Variants in SLIT3 observed in about 807,000 individuals in gnomAD.
SLIT3 encodes slit guidance ligand 3, also known as slit homolog 3 protein.
SLIT3 carries 68 observed loss-of-function variants against 184.0 expected under a neutral mutation model. The ratio of observed to expected loss-of-function variants is 0.37; its 90% CI spans 0.30 to 0.45. SLIT3 has a LOEUF of 0.45. Ranked by LOEUF, SLIT3 falls within the 20% of genes least tolerant of loss-of-function variation. The pLI is 1.00. For missense variants in SLIT3, 1,707 were observed against 2,026.0 expected, an observed-to-expected ratio of 0.84 and a Z score of 3.02; for synonymous variants, 831 against 828.6, an observed-to-expected ratio of 1.00 and a Z score of -0.05.
chr5:168,873,391 A>G (rs921603242), intron 5 of SLIT3, among the ~76,000 whole-genome samples: 6 of 151,498 alleles, frequency 4.0e-5, no homozygotes, highest in African/African-American at 1.5e-4. Context: ...GCATTTTGGG[A>G]GGCTTAGGCA....
At chr5:168,847,016 C>G (rs1758496483) in intron 5 of SLIT3, among the ~76,000 whole-genome samples, 1 of 152,196 alleles carries the variant, frequency 6.6e-6, no homozygotes, top group African/African-American at 2.4e-5. Flanking sequence ...TATCCCATCA[C>G]AGTCCTGCTA....
At chr5:168,738,407 G>T (rs1433237551) in intron 20 of SLIT3, among the ~76,000 whole-genome samples, 1 of 152,254 alleles carries the variant, frequency 6.6e-6, no homozygotes, top group South Asian at 2.1e-4. Flanking sequence ...CAACTCTTGA[G>T]CACACATTCC....
intron 7 of SLIT3, among the ~76,000 whole-genome samples, chr5:168,820,486 C>T (rs1243323599): frequency 6.6e-6 from 1 of 152,168 alleles, no homozygotes; most frequent in Non-Finnish European, 1.5e-5. Flanking sequence ...TGAAATGATT[C>T]ATGGGAAGTG....
chr5:168,882,179 T>A (rs1759978276), intron 5 of SLIT3, among the ~76,000 whole-genome samples: 1 of 152,180 alleles, frequency 6.6e-6, no homozygotes, highest in Non-Finnish European at 1.5e-5. Context: ...GTCTTTTTTT[T>A]AAGCCTCCCT....
intron 3 of SLIT3, among the ~76,000 whole-genome samples, chr5:169,229,864 C>T (rs963432369): frequency 4.6e-5 from 7 of 152,050 alleles, no homozygotes; most frequent in African/African-American, 1.7e-4. Flanking sequence ...AGGCACCCAG[C>T]AAAAATTAAG....
chr5:169,184,319 G>A (rs1460961677), intron 4 of SLIT3, among the ~76,000 whole-genome samples: 1 of 152,238 alleles, frequency 6.6e-6, no homozygotes, highest in African/African-American at 2.4e-5. Flanking sequence ...ACTCACAGGA[G>A]TAAGAGGGTG....
chr5:168,682,011 T>C (rs1393718676), intron 32 of SLIT3, among the ~76,000 whole-genome samples: 1 of 152,228 alleles, frequency 6.6e-6, no homozygotes, highest in Non-Finnish European at 1.5e-5. Context: ...TCTGGATTTA[T>C]GTGATAGCAA....
In SLIT3 at chr5:169,019,527, G is replaced by A. The variant is rs368256205; in HGVS notation, c.414-136191C>T. On this transcript the variant is annotated intron_variant, in intron 4 of 35. Transcript: ENST00000519560. The stretch of plus-strand genomic sequence containing the variant: ...TAGGTCAGCGGCTTTGCATATGCAC[G>A]GTATCTTATTTCTCACATATTCCAT... 4.5e-4 allele frequency among the ~76,000 whole-genome samples: 69 copies of A among 152,246 alleles called. 1 individual carries two copies. In the South Asian group the frequency reaches 0.012, roughly 27 times the overall value.
At chr5:169,103,738 C>T (rs1430133398) in intron 4 of SLIT3, among the ~76,000 whole-genome samples, 3 of 152,106 alleles carry the variant, frequency 2.0e-5, no homozygotes, top group Admixed American at 6.5e-5. Context: ...CCCCCTCCCA[C>T]CCATCCCCAT....
intron 16 of SLIT3, among the ~76,000 whole-genome samples, chr5:168,755,173 C>T (rs1488969145): frequency 6.6e-6 from 1 of 152,086 alleles, no homozygotes; most frequent in Non-Finnish European, 1.5e-5. Flanking sequence ...GACTGAGGTT[C>T]ACAGAGATTA....
chr5:169,083,447 C>A (rs2668063), intron 4 of SLIT3, among the ~76,000 whole-genome samples: 49,865 of 152,008 alleles, frequency 0.33, 9,723 homozygotes, highest in East Asian at 0.55. Context: ...CCAGGCTTAG[C>A]ACTTCTTGCA....
intron 4 of SLIT3, among the ~76,000 whole-genome samples, chr5:169,041,669 C>T (rs1400224150): frequency 6.6e-6 from 1 of 152,134 alleles, no homozygotes; most frequent in Non-Finnish European, 1.5e-5. Context: ...GAAAGGCAGG[C>T]TTAAAGCTAT....
At chr5:169,045,961 C>T (rs1040828951) in intron 4 of SLIT3, among the ~76,000 whole-genome samples, 6 of 152,228 alleles carry the variant, frequency 3.9e-5, no homozygotes, top group African/African-American at 1.2e-4. Context: ...ACAACAGGCA[C>T]AGTTCTTAGT....
At chr5:168,721,441 A>G (rs1465258218) in intron 23 of SLIT3, among the ~76,000 whole-genome samples, 1 of 152,112 alleles carries the variant, frequency 6.6e-6, no homozygotes, top group Non-Finnish European at 1.5e-5. Flanking sequence ...TCCTCATAAG[A>G]CCCTGTGAGG....
intron 4 of SLIT3, among the ~76,000 whole-genome samples, chr5:168,987,811 G>A (rs1755187028): frequency 6.6e-6 from 1 of 152,218 alleles, no homozygotes; most frequent in East Asian, 1.9e-4. Context: ...GGGAAAGAAC[G>A]AAATGATTTC....
intron 3 of SLIT3, among the ~76,000 whole-genome samples, chr5:169,232,933 C>T (rs1765057938): frequency 6.6e-6 from 1 of 152,146 alleles, no homozygotes; most frequent in Admixed American, 6.5e-5. Flanking sequence ...ATATATTTGA[C>T]TCATCTTTAA....
intron 4 of SLIT3, among the ~76,000 whole-genome samples, chr5:168,912,144 G>A (rs1428175435): frequency 1.3e-5 from 2 of 151,872 alleles, no homozygotes; most frequent in Admixed American, 6.6e-5. Flanking sequence ...TTTAACCAAC[G>A]GTAAATTTAT....
chr5:169,034,287 G>T (rs1381248969), intron 4 of SLIT3, among the ~76,000 whole-genome samples: 1 of 152,012 alleles, frequency 6.6e-6, no homozygotes, highest in Admixed American at 6.5e-5. Flanking sequence ...TGTGTCCTGA[G>T]CCTTTGGTGC....
chr5:169,134,845 G>A (rs1038932558), intron 4 of SLIT3, among the ~76,000 whole-genome samples: 2 of 152,180 alleles, frequency 1.3e-5, no homozygotes, highest in African/African-American at 4.8e-5. Context: ...TTGCAGCTTG[G>A]ACTAGAATTT....
Sources: gnomAD v4.1 joint callset for allele counts (sites outside exome capture counted in the v4.1 genomes callset) on GRCh38, gnomAD v4.1.1 for gene constraint, MANE v1.5 for transcripts, NCBI Gene and HGNC (gene_info 2026-07-23, HGNC 2026-07-21) for gene names.